Variants in MORN1 observed in about 807,000 individuals in gnomAD.
MORN1 encodes MORN repeat-containing protein 1.
A neutral mutation model predicts 61.9 loss-of-function variants in MORN1; 67 were observed. That is an observed-to-expected ratio of 1.08 (90% confidence interval 0.89 to 1.33). The LOEUF is 1.33. Ranked by LOEUF, MORN1 falls within the 40% of genes most tolerant of loss-of-function variation. MORN1 has a pLI of 0.00. For missense variants in MORN1, 752 were observed against 691.2 expected (o/e 1.09, Z -0.99); for synonymous variants, 301 against 292.0 (o/e 1.03, Z -0.31).
In MORN1 at chr1:2,336,062, G is replaced by A. The variant is rs569016220; in HGVS notation, c.1250+407C>T. 3.3e-5 allele frequency among the ~76,000 whole-genome samples: 5 copies of A among 152,296 alleles called. No homozygotes were observed. In the South Asian group the frequency reaches 1.0e-3, roughly 32 times the overall value. On this transcript the variant is annotated intron_variant, in intron 12 of 13. Transcript: ENST00000378531. Reference sequence around the variant, plus strand: ...CCTGCACGTGCCGCGGTGTGCACCTGGTCCCACTCCTGTCCTCCAGCTCAC... The same window carrying A: ...CCTGCACGTGCCGCGGTGTGCACCTAGTCCCACTCCTGTCCTCCAGCTCAC...
intron 12 of MORN1, among the ~76,000 whole-genome samples, chr1:2,331,703 A>C (rs1029749766): frequency 6.6e-6 from 1 of 152,158 alleles, no homozygotes; most frequent in Non-Finnish European, 1.5e-5. Flanking sequence ...GGGAACAGTC[A>C]AAGACGACTT....
chr1:2,344,317 G>T (rs540266207), intron 10 of MORN1, among the ~76,000 whole-genome samples: 7 of 152,348 alleles, frequency 4.6e-5, no homozygotes, highest in African/African-American at 1.4e-4. Flanking sequence ...CTGAAGCCAG[G>T]CAGCTGCTCC....
In MORN1 at chr1:2,334,623, G is replaced by A. The variant is rs1358096142; in HGVS notation, c.1250+1846C>T. On this transcript the variant is annotated intron_variant, in intron 12 of 13. Coordinates refer to ENST00000378531, the MANE Select transcript of MORN1 (RefSeq NM_024848.3). This position sits in a 1 kb window ranked among gnomAD's most constrained non-coding sequence, Gnocchi z 5.4. The stretch of plus-strand genomic sequence containing the variant: ...GGAGCCGGCAGGAGGCAGGGGAAGT[G>A]GCCGCTGGTCACAGATGTGTGCCCC... 6.6e-6 allele frequency among the ~76,000 whole-genome samples: 1 copy of A among 152,126 alleles called. No homozygotes were observed. The highest frequency in any genetic ancestry group is 1.9e-4 in the East Asian group (1 of 5,174).
chr1:2,385,621 T>G, intron 5 of MORN1, 186 bp downstream of exon 5: 1 of 470,342 alleles, frequency 2.1e-6, no homozygotes, highest in Admixed American at 3.7e-5. Context: ...AATTACAGAA[T>G]AACACCGAAA....
intron 12 of MORN1, 152 bp downstream of exon 12, chr1:2,336,317 G>C: frequency 7.1e-6 from 5 of 701,474 alleles, no homozygotes; most frequent in Non-Finnish European, 9.0e-6. Context: ...TGGCTGGCGG[G>C]GGGGCTCTCT....
chr1:2,385,021 TGACGCCGGTCCCG>T lies in MORN1; in HGVS notation c.481_493del (p.Arg163ThrfsTer52), dbSNP rs2100368082. ...GGCGCAGCGCAGCACCCCGTGTCCC[TGACGCCGGTCCCG>T]GACCCAGTCGCCGTCGTACTTGTCA... On this transcript the variant is annotated frameshift_variant, in exon 6 of 14. Transcript: ENST00000378531. LOFTEE classifies it high-confidence loss of function. 1.9e-6 allele frequency: 3 copies of T among 1,599,036 alleles called. No individual in the cohort carries two copies. The highest frequency in any genetic ancestry group is 1.7e-5 in the Admixed American group (1 of 58,632).
rs1641805138 is a variant in MORN1 at position 2,357,623 on chromosome 1, G to A, written c.870-25C>T. ...ACTGCAAAGGAATGGGGGCAGCTTG[G>A]CTCTACTCACCCCACACCAAACTAG... is the stretch of plus-strand genomic sequence containing the variant. On this transcript the variant is annotated intron_variant, in intron 9 of 13. Coordinates refer to ENST00000378531, the MANE Select transcript of MORN1 (RefSeq NM_024848.3). This position sits in a 1 kb window ranked among gnomAD's most constrained non-coding sequence, Gnocchi z 6.3. The A allele has an allele frequency of 6.4e-7, 1 of 1,564,792 alleles. No individual in the cohort carries two copies. Among genetic ancestry groups the A allele is most frequent in the East Asian group, 2.3e-5 (1 of 43,928 alleles).
chr1:2,340,611 GTCCAGCACATGGAGGAC>G (rs1557872719), intron 10 of MORN1, among the ~76,000 whole-genome samples: 2 of 152,332 alleles, frequency 1.3e-5, no homozygotes, highest in East Asian at 3.9e-4. Context: ...CACTGCTTGT[GTCCAGCACATGGAGGAC>G]TCAAGGCAGC....
rs542458410 is a variant in MORN1, at chr1:2,384,904, C to A, written c.537+74G>T. On this transcript the variant is annotated intron_variant, in intron 6 of 13. Coordinates refer to ENST00000378531, the MANE Select transcript of MORN1 (RefSeq NM_024848.3). Reference sequence around the variant, plus strand: ...GAGAAGCTGCCAGGGTGAGGCTCCCCATACACCCCACGCGCCCTGCCCACC... The same window carrying A: ...GAGAAGCTGCCAGGGTGAGGCTCCCAATACACCCCACGCGCCCTGCCCACC... 6.1e-5 allele frequency: 80 copies of A among 1,314,822 alleles called. 1 individual carries two copies. The South Asian group carries it at 1.1e-3, about 18-fold the overall frequency. The allele number at this position is 1,314,822 out of a possible 1,614,324, so 81.4% of individuals were successfully genotyped here. A position where few individuals can be genotyped will look rare whatever the true frequency, so the allele number is the denominator to read the frequency against.
chr1:2,379,688 T>G (rs1390113849), intron 6 of MORN1, among the ~76,000 whole-genome samples: 1 of 152,194 alleles, frequency 6.6e-6, no homozygotes, highest in South Asian at 2.1e-4. Flanking sequence ...TTGTGGTTAT[T>G]GTTAAGAGGG....
chr1:2,371,908 C>CAA (rs60972860), intron 8 of MORN1: 39 of 108,012 alleles, frequency 3.6e-4, no homozygotes, highest in South Asian at 2.6e-3. Context: ...AACTCCATCT[C>CAA]AAAAAAAAAA....
intron 12 of MORN1, chr1:2,332,859 G>C: frequency 2.6e-6 from 1 of 386,922 alleles, no homozygotes; most frequent in Non-Finnish European, 5.2e-6. Context: ...GGGCCCCCAG[G>C]CTGCGCCTCG....
chr1:2,382,049 TG>T (rs1642383948), intron 6 of MORN1, among the ~76,000 whole-genome samples: 1 of 151,840 alleles, frequency 6.6e-6, no homozygotes, highest in Non-Finnish European at 1.5e-5. Flanking sequence ...AGTTGGCGCC[TG>T]GGTAGTAGCC....
chr1:2,347,500 G>C (rs917960250), intron 10 of MORN1, among the ~76,000 whole-genome samples: 1 of 152,114 alleles, frequency 6.6e-6, no homozygotes, highest in Non-Finnish European at 1.5e-5. Context: ...TGAGACCCTG[G>C]CATCTGCAGA....
chr1:2,323,154 G>A (rs560666932), intron 13 of MORN1: 8 of 985,416 alleles, frequency 8.1e-6, no homozygotes, highest in South Asian at 9.4e-5. Flanking sequence ...GCGGTGGACC[G>A]GTTGATGGTG....
intron 7 of MORN1, among the ~76,000 whole-genome samples, chr1:2,374,109 A>G (rs941698394): frequency 6.6e-6 from 1 of 152,118 alleles, no homozygotes; most frequent in Non-Finnish European, 1.5e-5. Flanking sequence ...CAGCCCCCAG[A>G]GGAGGCCCAA....
At chr1:2,387,613 T>C (rs1329001928) in intron 3 of MORN1, 84 bp from the exon 4 acceptor site, 2 of 943,938 alleles carry the variant, frequency 2.1e-6, no homozygotes, top group Non-Finnish European at 3.4e-6. Context: ...CCCTGGCCCA[T>C]GACACGCAGG....
chr1:2,324,472 AACTGAG>A (rs1640954620), intron 12 of MORN1, among the ~76,000 whole-genome samples: 1 of 152,208 alleles, frequency 6.6e-6, no homozygotes, highest in Non-Finnish European at 1.5e-5. Context: ...CCCAGGGTGC[AACTGAG>A]AAGATCCCGG....
intron 5 of MORN1, chr1:2,385,309 C>T (rs1427545770): frequency 7.1e-6 from 4 of 560,668 alleles, no homozygotes; most frequent in African/African-American, 1.9e-5. Context: ...ACTCAGCTTC[C>T]GCTACTCAAA....
Sources: allele counts gnomAD v4.1 joint callset (sites outside exome capture counted in the v4.1 genomes callset), GRCh38; gene constraint gnomAD v4.1.1; non-coding constraint Gnocchi (gnomAD v3.1); transcripts MANE v1.5; gene names NCBI Gene and HGNC (gene_info 2026-07-23, HGNC 2026-07-21).